DEFB131A: variants seen among roughly 807,000 people sequenced by gnomAD.
The protein encoded by DEFB131A is beta-defensin 131A.
A neutral mutation model predicts 2.4 loss-of-function variants in DEFB131A; 5 were observed. That is an observed-to-expected ratio of 2.12 (90% confidence interval 1.11 to 4.47). The LOEUF is 4.47. Ranked by LOEUF, DEFB131A falls within the 30% of genes most tolerant of loss-of-function variation. DEFB131A has a pLI of 0.00. For missense variants in DEFB131A, 120 were observed against 79.9 expected (o/e 1.50, Z -1.91); for synonymous variants, 34 against 25.7 (o/e 1.32, Z -0.97).
At chr4:9,449,842 A>T (rs1717608189) in intron 1 of DEFB131A, among the ~76,000 whole-genome samples, 2 of 152,238 alleles carry the variant, frequency 1.3e-5, no homozygotes, top group African/African-American at 4.8e-5. Flanking sequence ...TCATTTAAGG[A>T]TTCTTTTTTC....
chr4:9,444,908 C>A (rs140296032), intron 1 of DEFB131A, among the ~76,000 whole-genome samples: 19 of 136,702 alleles, frequency 1.4e-4, no homozygotes, highest in African/African-American at 2.0e-4. Flanking sequence ...CCCATCTCTC[C>A]AAAAAAAAAA....
chr4:9,447,580 C>T (rs557525902), intron 1 of DEFB131A, among the ~76,000 whole-genome samples: 90 of 152,172 alleles, frequency 5.9e-4, no homozygotes, highest in Non-Finnish European at 1.2e-3. Context: ...CAGCTGCTTG[C>T]CTTCTTGCCA....
Position 9,444,953 on chromosome 4 carries a change from C to T in DEFB131A, c.58+362C>T, listed in dbSNP as rs145847800. On this transcript the variant is annotated intron_variant, in intron 1 of 1. Coordinates refer to ENST00000334879, the MANE Select transcript of DEFB131A (RefSeq NM_001040448.3). ...AAAAAATTAATCAGGTATAGTGGCGCGTGTCTGTGGTTCTGGCTACTCAGG... is the reference window on the plus strand; with the variant it reads ...AAAAAATTAATCAGGTATAGTGGCGTGTGTCTGTGGTTCTGGCTACTCAGG... Among the ~76,000 whole-genome samples the T allele has an allele frequency of 2.3e-3, 354 of 151,626 alleles. 1 individual carries two copies. The Middle Eastern group carries it at 0.041, about 17-fold the overall frequency.
intron 1 of DEFB131A, among the ~76,000 whole-genome samples, chr4:9,446,972 T>C (rs1368883202): frequency 6.6e-6 from 1 of 152,178 alleles, no homozygotes; most frequent in Non-Finnish European, 1.5e-5. Context: ...TGTTGATTTT[T>C]CAAAATTTGT....
chr4:9,450,236 G>T, intron 1 of DEFB131A, 124 bp from the exon 2 acceptor site: 1 of 1,133,778 alleles, frequency 8.8e-7, no homozygotes, highest in Non-Finnish European at 1.2e-6. Flanking sequence ...TGCATTTTTT[G>T]CTGTTGATTT....
At chr4:9,444,922 A>T (rs1717454454) in intron 1 of DEFB131A, among the ~76,000 whole-genome samples, 1 of 144,736 alleles carries the variant, frequency 6.9e-6, no homozygotes, top group South Asian at 2.2e-4. Flanking sequence ...AAAAAAAAAA[A>T]AATACAAAAA....
At chr4:9,445,145 G>A (rs1367000356) in intron 1 of DEFB131A, among the ~76,000 whole-genome samples, 7 of 151,974 alleles carry the variant, frequency 4.6e-5, no homozygotes, top group Admixed American at 4.6e-4. Context: ...ATGGTGAGAG[G>A]ATACACACAG....
At chr4:9,445,811 C>T (rs568245003) in intron 1 of DEFB131A, among the ~76,000 whole-genome samples, 5 of 152,106 alleles carry the variant, frequency 3.3e-5, no homozygotes, top group African/African-American at 1.2e-4. Flanking sequence ...ATGTTTATAA[C>T]CGCAAGAAGA....
At chr4:9,447,289 A>T (rs1267303095) in intron 1 of DEFB131A, among the ~76,000 whole-genome samples, 21 of 152,242 alleles carry the variant, frequency 1.4e-4, no homozygotes, top group African/African-American at 3.6e-4. Context: ...ATATATATAC[A>T]TATTTGGAAT....
At chr4:9,447,789 C>T (rs1269166629) in intron 1 of DEFB131A, among the ~76,000 whole-genome samples, 2 of 151,298 alleles carry the variant, frequency 1.3e-5, no homozygotes, top group South Asian at 2.1e-4. Flanking sequence ...CTTCAACATA[C>T]AAATTTTGGA....
intron 1 of DEFB131A, among the ~76,000 whole-genome samples, chr4:9,445,987 T>C (rs1363818580): frequency 2.0e-5 from 3 of 152,112 alleles, no homozygotes; most frequent in Admixed American, 6.5e-5. Context: ...TGTTGTGGCA[T>C]AGATTCGTAC....
intron 1 of DEFB131A, among the ~76,000 whole-genome samples, chr4:9,447,211 T>G (rs761592861): frequency 6.6e-6 from 1 of 152,188 alleles, no homozygotes; most frequent in Non-Finnish European, 1.5e-5. Context: ...ATCATGATGT[T>G]GAGGTGTATC....
rs1339653488 is a variant in DEFB131A at position 9,448,364 on chromosome 4, T to G, written c.59-1996T>G. Among the ~76,000 whole-genome samples, 3 of 152,152 alleles carry G rather than the reference T, an allele frequency of 2.0e-5. No homozygotes were observed. The South Asian group carries it at 6.2e-4, about 32-fold the overall frequency. On this transcript the variant is annotated intron_variant, in intron 1 of 1. Transcript: ENST00000334879. ...TCTCTACTTAGTAAAATTATCTCTT[T>G]TTTTTAGACAGTCTCACTTTGTCAC...
At chr4:9,447,924 A>T (rs9999220) in intron 1 of DEFB131A, among the ~76,000 whole-genome samples, 1,932 of 152,160 alleles carry the variant, frequency 0.013, 50 homozygotes, top group African/African-American at 0.044. Flanking sequence ...AAAAAGAATT[A>T]AAAAGAACAG....
At position 9,450,639 on chromosome 4, in the gene DEFB131A, A is replaced by G. The variant is rs1201551622; in HGVS notation, c.*125A>G. On this transcript the variant is annotated 3_prime_UTR_variant, in exon 2 of 2. Transcript: ENST00000334879. ...TGCATGTTTAGATGGTCAGGTGAAA[A>G]TGAATATAAATTTTATAAATGCTTC... is the stretch of plus-strand genomic sequence containing the variant. The G allele has an allele frequency of 3.1e-5, 41 of 1,339,414 alleles. No homozygotes were observed. Among genetic ancestry groups the G allele is most frequent in the African/African-American group, 4.4e-5 (3 of 68,104 alleles). 83.0% of individuals were successfully genotyped at this position (1,339,414 alleles called of 1,614,324 possible).
chr4:9,447,942 A>G (rs1307505302), intron 1 of DEFB131A, among the ~76,000 whole-genome samples: 1 of 152,104 alleles, frequency 6.6e-6, no homozygotes, highest in Non-Finnish European at 1.5e-5. Flanking sequence ...CAGAATATTT[A>G]ATAAGTGTAG....
chr4:9,447,331 A>T (rs1050184829), intron 1 of DEFB131A, among the ~76,000 whole-genome samples: 1 of 152,114 alleles, frequency 6.6e-6, no homozygotes, highest in Non-Finnish European at 1.5e-5. Flanking sequence ...TGGCCCTTTT[A>T]TCATTATATG....
chr4:9,446,705 C>A (rs913080126), intron 1 of DEFB131A, among the ~76,000 whole-genome samples: 5 of 152,002 alleles, frequency 3.3e-5, no homozygotes, highest in Admixed American at 1.3e-4. Flanking sequence ...TTACCATGTT[C>A]TTGCAGTAGG....
chr4:9,447,481 A>G (rs1419402537), intron 1 of DEFB131A, among the ~76,000 whole-genome samples: 2 of 152,158 alleles, frequency 1.3e-5, no homozygotes, highest in Non-Finnish European at 2.9e-5. Context: ...TTAAATAACA[A>G]AAGTTCATTT....
Sources: gnomAD v4.1 joint callset for allele counts (sites outside exome capture counted in the v4.1 genomes callset) on GRCh38, gnomAD v4.1.1 for gene constraint, MANE v1.5 for transcripts, NCBI Gene and HGNC (gene_info 2026-07-23, HGNC 2026-07-21) for gene names.